The following PRKAG2 variants were observed in gnomAD, a reference collection of about 807,000 sequenced individuals.
PRKAG2 encodes protein kinase AMP-activated non-catalytic subunit gamma 2, also known as 5'-AMP-activated protein kinase subunit gamma-2.
Under a neutral mutation model 69.6 loss-of-function variants are expected in PRKAG2, and 26 were observed. The observed-to-expected ratio is 0.37, with a 90% CI of 0.27 to 0.52. The LOEUF (loss-of-function observed/expected upper bound fraction) is 0.52. PRKAG2 is among the 20% of genes least tolerant of loss of function. The probability of loss-of-function intolerance (pLI) is 0.90; values close to 1 mark genes in which losing one functional copy is unlikely to be tolerated. For missense variants in PRKAG2, 557 were observed against 740.0 expected, an observed-to-expected ratio of 0.75 and a Z score of 2.87; for synonymous variants, 293 against 285.0, an observed-to-expected ratio of 1.03 and a Z score of -0.28.
chr7:151,774,874 AG>A (rs1387565915), intron 3 of PRKAG2, among the ~76,000 whole-genome samples: 1 of 152,228 alleles, frequency 6.6e-6, no homozygotes, highest in Non-Finnish European at 1.5e-5. Flanking sequence ...GTATTACCTG[AG>A]GAGCCTGTCA....
In PRKAG2 at chr7:151,777,985, A is replaced by G. The variant is rs2076472072; in HGVS notation, c.466+3167T>C. On this transcript the variant is annotated intron_variant, in intron 3 of 15. Transcript: ENST00000287878. The surrounding 1 kb of genome is among the most constrained non-coding windows in gnomAD (Gnocchi z 4.3). The stretch of plus-strand genomic sequence containing the variant: ...TTCCCCAGTTGCTCCTGTAGATAGT[A>G]TCACTATTTAACACCTAAGATTGGT... Among the ~76,000 whole-genome samples the G allele has an allele frequency of 6.6e-6, 1 of 152,112 alleles. No individual in the cohort carries two copies. Among genetic ancestry groups the G allele is most frequent in the South Asian group, 2.1e-4 (1 of 4,822 alleles).
chr7:151,766,647 G>A (rs2075748148), intron 3 of PRKAG2, among the ~76,000 whole-genome samples: 1 of 152,250 alleles, frequency 6.6e-6, no homozygotes, highest in African/African-American at 2.4e-5. Context: ...AGAAAAAGGT[G>A]TCAGAGGACT....
intron 3 of PRKAG2, among the ~76,000 whole-genome samples, chr7:151,721,768 C>G (rs772047757): frequency 5.3e-5 from 8 of 152,156 alleles, no homozygotes; most frequent in African/African-American, 1.9e-4. Context: ...CAAGCATGTA[C>G]CAGCCAATTA....
intron 15 of PRKAG2, chr7:151,559,951 C>T (rs2150968565): frequency 1.0e-6 from 1 of 985,306 alleles, no homozygotes; most frequent in Admixed American, 6.1e-5. Context: ...TGTCTAAAGC[C>T]CTCTCCCGTT....
intron 3 of PRKAG2, among the ~76,000 whole-genome samples, chr7:151,773,833 C>A (rs1052024242): frequency 6.6e-6 from 1 of 152,174 alleles, no homozygotes; most frequent in African/African-American, 2.4e-5. Flanking sequence ...CACTCAGCCA[C>A]GTAATAATTC....
At chr7:151,743,956 GA>G (rs2074090671) in intron 3 of PRKAG2, among the ~76,000 whole-genome samples, 2 of 152,204 alleles carry the variant, frequency 1.3e-5, no homozygotes, top group African/African-American at 4.8e-5. Context: ...CCCACATCTG[GA>G]TGCTGCAAAA....
At chr7:151,584,851 T>C (rs1811281728) in intron 6 of PRKAG2, among the ~76,000 whole-genome samples, 1 of 152,204 alleles carries the variant, frequency 6.6e-6, no homozygotes, top group Non-Finnish European at 1.5e-5. Context: ...GGGCTGTGAC[T>C]GCACTACCAT....
At chr7:151,731,325 C>A (rs2151680852) in intron 3 of PRKAG2, among the ~76,000 whole-genome samples, 1 of 152,350 alleles carries the variant, frequency 6.6e-6, no homozygotes, top group East Asian at 1.9e-4. Context: ...CCCTGCCTGG[C>A]TCTGCAGCCA....
At chr7:151,613,913 C>T (rs1325782743) in intron 5 of PRKAG2, among the ~76,000 whole-genome samples, 2 of 151,804 alleles carry the variant, frequency 1.3e-5, no homozygotes, top group Admixed American at 6.6e-5. Context: ...AGCGATTCTC[C>T]TGCCTCAGCC....
chr7:151,659,963 G>T (rs1830072542), intron 4 of PRKAG2, among the ~76,000 whole-genome samples: 1 of 152,234 alleles, frequency 6.6e-6, no homozygotes, highest in African/African-American at 2.4e-5. Flanking sequence ...GGAGGCCGAG[G>T]TGGGAGGACT....
At chr7:151,812,398 AAG>A in intron 1 of PRKAG2, among the ~76,000 whole-genome samples, 1 of 152,310 alleles carries the variant, frequency 6.6e-6, no homozygotes, top group Admixed American at 6.5e-5. Context: ...TATAGTTTGA[AAG>A]AGCGCTGTGA....
intron 3 of PRKAG2, among the ~76,000 whole-genome samples, chr7:151,707,193 C>T (rs1399095791): frequency 6.6e-6 from 1 of 152,234 alleles, no homozygotes; most frequent in African/African-American, 2.4e-5. Flanking sequence ...CTCCCTCCGA[C>T]GCTGCCCAAA....
At chr7:151,731,708 C>T (rs1291158400) in intron 3 of PRKAG2, among the ~76,000 whole-genome samples, 1 of 152,156 alleles carries the variant, frequency 6.6e-6, no homozygotes, top group African/African-American at 2.4e-5. Flanking sequence ...ACAGAGGAAA[C>T]CCAGTGGATG....
rs969380021 is a variant in PRKAG2 at position 151,699,763 on chromosome 7, A to G, written c.467-24126T>C. On this transcript the variant is annotated intron_variant, in intron 3 of 15. Coordinates refer to ENST00000287878, the MANE Select transcript of PRKAG2 (RefSeq NM_016203.4). The surrounding 1 kb of genome is among the most constrained non-coding windows in gnomAD (Gnocchi z 4.5). ...GTCAATCTTTTCATCAATCATTGAA[A>G]GCAGGACGAGGAGGCTGGGACACAG... is the stretch of plus-strand genomic sequence containing the variant. Among the ~76,000 whole-genome samples, 5 of 152,194 alleles carry G rather than the reference A, an allele frequency of 3.3e-5. No homozygotes were observed. The highest frequency in any genetic ancestry group is 1.2e-4 in the African/African-American group (5 of 41,440).
Position 151,836,031 on chromosome 7 carries a change from G to A in PRKAG2, c.114+40476C>T, listed in dbSNP as rs2079138725. Among the ~76,000 whole-genome samples, 1 of 152,174 alleles carries A rather than the reference G, an allele frequency of 6.6e-6. No individual in the cohort carries two copies. Among genetic ancestry groups the A allele is most frequent in the South Asian group, 2.1e-4 (1 of 4,830 alleles). ...TAATTTGTGGGACTTGCAGGACCCAGGACCCAGTGCACATCCTGAGTCTAA... is the reference window on the plus strand; with the variant it reads ...TAATTTGTGGGACTTGCAGGACCCAAGACCCAGTGCACATCCTGAGTCTAA... On this transcript the variant is annotated intron_variant, in intron 1 of 15. Coordinates refer to ENST00000287878, the MANE Select transcript of PRKAG2 (RefSeq NM_016203.4). The surrounding 1 kb of genome is among the most constrained non-coding windows in gnomAD (Gnocchi z 4.1).
intron 4 of PRKAG2, among the ~76,000 whole-genome samples, chr7:151,652,671 G>A (rs1251273756): frequency 6.6e-6 from 1 of 151,942 alleles, no homozygotes; most frequent in Non-Finnish European, 1.5e-5. Context: ...TTTGAGATGG[G>A]GTCACCCAGG....
At chr7:151,834,817 C>T (rs2079111897) in intron 1 of PRKAG2, among the ~76,000 whole-genome samples, 1 of 152,248 alleles carries the variant, frequency 6.6e-6, no homozygotes. Flanking sequence ...CACCATCTCC[C>T]AGTTCCGGAG....
At chr7:151,723,794 C>T (rs1797498735) in intron 3 of PRKAG2, among the ~76,000 whole-genome samples, 1 of 152,126 alleles carries the variant, frequency 6.6e-6, no homozygotes. Context: ...CTCCAGTCTC[C>T]CTGAGCCATG....
At position 151,876,636 on chromosome 7, in the gene PRKAG2, T is replaced by G; in HGVS notation, c.-16A>C. ...CGCTTCCCATAACTCTAACCAGAAGTTGATTCTGCGAAACTCCTCGGGGGT... is the reference window on the plus strand; with the variant it reads ...CGCTTCCCATAACTCTAACCAGAAGGTGATTCTGCGAAACTCCTCGGGGGT... On this transcript the variant is annotated 5_prime_UTR_variant, in exon 1 of 16. Coordinates refer to ENST00000287878, the MANE Select transcript of PRKAG2 (RefSeq NM_016203.4). The G allele has an allele frequency of 6.2e-7, 1 of 1,605,596 alleles. No homozygotes were observed. The highest frequency in any genetic ancestry group is 8.5e-7 in the Non-Finnish European group (1 of 1,178,704).
Sources: allele counts gnomAD v4.1 joint callset (sites outside exome capture counted in the v4.1 genomes callset), GRCh38; gene constraint gnomAD v4.1.1; non-coding constraint Gnocchi (gnomAD v3.1); transcripts MANE v1.5; gene names NCBI Gene and HGNC (gene_info 2026-07-23, HGNC 2026-07-21).